Variants in AFF2 observed in about 807,000 individuals in gnomAD.
AFF2 encodes ALF transcription elongation factor 2, also known as AF4/FMR2 family member 2.
In AFF2, 14 loss-of-function variants were observed where a neutral mutation model predicts 76.9. The ratio of observed to expected loss-of-function variants is 0.18; its 90% CI spans 0.12 to 0.28. AFF2 has a LOEUF of 0.28. AFF2 is among the 10% of genes least tolerant of loss of function. The pLI is 1.00. For missense variants in AFF2, 868 were observed against 1,001.1 expected, an observed-to-expected ratio of 0.87 and a Z score of 1.79; for synonymous variants, 398 against 366.7, an observed-to-expected ratio of 1.09 and a Z score of -0.98.
intron 1 of AFF2, among the ~76,000 whole-genome samples, chrX:148,614,647 C>CT (rs2053766440): frequency 1.9e-5 from 2 of 103,902 alleles, no homozygotes; most frequent in South Asian, 9.4e-4. Flanking sequence ...CTCTCTCTTT[C>CT]TTTCTTCCTT....
At chrX:148,651,911 TTTC>T in intron 1 of AFF2, 85 bp from the exon 2 acceptor site, 1 of 921,664 alleles carries the variant, frequency 1.1e-6, no homozygotes, top group Non-Finnish European at 1.5e-6. Context: ...CTTGAATTTT[TTTC>T]TTATTATTGA....
At chrX:148,732,304 C>T (rs1383687975) in intron 3 of AFF2, among the ~76,000 whole-genome samples, 1 of 98,637 alleles carries the variant, frequency 1.0e-5, no homozygotes, top group Non-Finnish European at 2.0e-5. Flanking sequence ...AACCATCATT[C>T]TCAGTAAACT....
chrX:148,666,087 A>T (rs1363748810), intron 3 of AFF2, among the ~76,000 whole-genome samples: 1 of 111,937 alleles, frequency 8.9e-6, no homozygotes, highest in Non-Finnish European at 1.9e-5. Context: ...TTGAAATGTG[A>T]TGTGCAAGTG....
intron 1 of AFF2, among the ~76,000 whole-genome samples, chrX:148,629,101 T>TTGTG (rs58772444): frequency 0.014 from 1,471 of 102,849 alleles, 27 homozygotes; most frequent in African/African-American, 0.046. Context: ...TGACAAGAGT[T>TTGTG]TGTGTGTGTG....
chrX:148,700,145 A>G (rs2054767878), intron 3 of AFF2, among the ~76,000 whole-genome samples: 1 of 111,405 alleles, frequency 9.0e-6, no homozygotes, highest in African/African-American at 3.3e-5. Context: ...TCATTTCAAC[A>G]ACAGAGACAG....
intron 3 of AFF2, among the ~76,000 whole-genome samples, chrX:148,715,968 T>G (rs1221906952): frequency 8.9e-6 from 1 of 111,930 alleles, no homozygotes; most frequent in Admixed American, 9.5e-5. Context: ...AGGTAAAAAC[T>G]GCTATGAATT....
chrX:148,593,577 T>A (rs2053543176), intron 1 of AFF2, among the ~76,000 whole-genome samples: 1 of 112,012 alleles, frequency 8.9e-6, no homozygotes, highest in South Asian at 3.7e-4. Flanking sequence ...AACTTCTAAG[T>A]CAAAGATGGG....
At chrX:148,596,136 T>G (rs1000980773) in intron 1 of AFF2, among the ~76,000 whole-genome samples, 1 of 111,490 alleles carries the variant, frequency 9.0e-6, no homozygotes, top group African/African-American at 3.3e-5. Context: ...AGATAGAAAA[T>G]GAAATGCACA....
chrX:148,534,709 CAGAA>C (rs2052765194), intron 1 of AFF2, among the ~76,000 whole-genome samples: 1 of 112,383 alleles, frequency 8.9e-6, no homozygotes, highest in African/African-American at 3.2e-5. Flanking sequence ...TTAATGATGA[CAGAA>C]AGAAAAACCA....
intron 3 of AFF2, among the ~76,000 whole-genome samples, chrX:148,795,618 C>T (rs1187012418): frequency 2.9e-5 from 3 of 101,968 alleles, no homozygotes; most frequent in Admixed American, 1.1e-4. Context: ...CTGGCTAACA[C>T]GGTGAAACCC....
chrX:148,536,432 C>G (rs1270409764), intron 1 of AFF2, among the ~76,000 whole-genome samples: 2 of 110,976 alleles, frequency 1.8e-5, no homozygotes, highest in Non-Finnish European at 3.8e-5. Flanking sequence ...TGCTGACAAG[C>G]CATTGATAGC....
intron 1 of AFF2, among the ~76,000 whole-genome samples, chrX:148,560,056 G>C (rs2053093587): frequency 9.0e-6 from 1 of 111,353 alleles, no homozygotes; most frequent in Admixed American, 9.5e-5. Context: ...TCATATGTTT[G>C]TTGGCTGCAA....
intron 3 of AFF2, among the ~76,000 whole-genome samples, chrX:148,799,653 A>G (rs1299584627): frequency 1.8e-5 from 2 of 112,455 alleles, no homozygotes; most frequent in Non-Finnish European, 3.8e-5. Context: ...AAAACATGCC[A>G]TGACAGTTAA....
intron 1 of AFF2, among the ~76,000 whole-genome samples, chrX:148,570,670 A>G (rs2053219730): frequency 9.0e-6 from 1 of 111,258 alleles, no homozygotes; most frequent in Admixed American, 9.5e-5. Flanking sequence ...GCTTAGAACA[A>G]TAGAAATGTT....
chrX:148,767,999 G>A (rs149032103), intron 3 of AFF2, among the ~76,000 whole-genome samples: 8 of 108,115 alleles, frequency 7.4e-5, no homozygotes, highest in Non-Finnish European at 1.5e-4. Flanking sequence ...ATGGCCATCC[G>A]CCCTGGGAGG....
intron 3 of AFF2, among the ~76,000 whole-genome samples, chrX:148,748,204 A>G (rs1367936084): frequency 1.8e-5 from 2 of 112,509 alleles, no homozygotes; most frequent in African/African-American, 6.5e-5. Flanking sequence ...TACACTGAAT[A>G]ACAATTGACT....
chrX:148,697,247 A>T (rs2054731843), intron 3 of AFF2, among the ~76,000 whole-genome samples: 1 of 112,378 alleles, frequency 8.9e-6, no homozygotes, highest in African/African-American at 3.2e-5. Flanking sequence ...GAGTTAAAAG[A>T]TTTACAATTT....
intron 3 of AFF2, among the ~76,000 whole-genome samples, chrX:148,704,316 ATATATATATTTATATATAT>A (rs2054844307): frequency 1.4e-5 from 1 of 69,302 alleles, no homozygotes; most frequent in Non-Finnish European, 2.6e-5. Flanking sequence ...ATATGTGTGT[ATATATATATTTATATATAT>A]GTGTGTATAT....
intron 7 of AFF2, among the ~76,000 whole-genome samples, chrX:148,879,544 C>T (rs1235689079): frequency 9.0e-6 from 1 of 111,719 alleles, no homozygotes; most frequent in Non-Finnish European, 1.9e-5. Context: ...CAAGGGTCAG[C>T]AAACTCTATT....
Sources: gnomAD v4.1 joint callset for allele counts (sites outside exome capture counted in the v4.1 genomes callset) on GRCh38, gnomAD v4.1.1 for gene constraint, MANE v1.5 for transcripts, NCBI Gene and HGNC (gene_info 2026-07-23, HGNC 2026-07-21) for gene names.